Variants in ZBTB8A observed in about 807,000 individuals in gnomAD.
The protein encoded by ZBTB8A is zinc finger and BTB domain-containing protein 8A.
A neutral mutation model predicts 37.8 loss-of-function variants in ZBTB8A; 19 were observed. The ratio of observed to expected loss-of-function variants is 0.50; its 90% CI spans 0.35 to 0.74. The LOEUF is 0.74. Ranked by LOEUF, ZBTB8A falls within the 30% of genes least tolerant of loss-of-function variation. The pLI is 0.01. For missense variants in ZBTB8A, 394 were observed against 537.8 expected (o/e 0.73, Z 2.65); for synonymous variants, 181 against 185.2 (o/e 0.98, Z 0.19).
chr1:32,568,218 A>G (rs1399926052), intron 2 of ZBTB8A, among the ~76,000 whole-genome samples: 2 of 152,130 alleles, frequency 1.3e-5, no homozygotes, highest in Non-Finnish European at 2.9e-5. Flanking sequence ...TTAATGTTCG[A>G]CATATGTTCA....
In ZBTB8A at chr1:32,599,101, A is replaced by G. The variant is rs1398016473; in HGVS notation, c.994-986A>G. Among the ~76,000 whole-genome samples the G allele has an allele frequency of 3.9e-5, 6 of 152,122 alleles. No homozygotes were observed. In the South Asian group the frequency reaches 1.0e-3, roughly 26 times the overall value. ...AATAAAAATGGCAAGTTCTCCTTCTATCTAAAATATTAATAAATTTAAATT... is the reference window on the plus strand; with the variant it reads ...AATAAAAATGGCAAGTTCTCCTTCTGTCTAAAATATTAATAAATTTAAATT... On this transcript the variant is annotated intron_variant, in intron 4 of 4. Coordinates refer to ENST00000373510, the MANE Select transcript of ZBTB8A (RefSeq NM_001040441.3).
chr1:32,550,239 G>C (rs1298633602), intron 1 of ZBTB8A, among the ~76,000 whole-genome samples: 1 of 152,142 alleles, frequency 6.6e-6, no homozygotes, highest in East Asian at 1.9e-4. Flanking sequence ...ATATCTGCTA[G>C]AGTGGAACTT....
At chr1:32,596,491 G>A (rs1644532806) in intron 4 of ZBTB8A, among the ~76,000 whole-genome samples, 2 of 152,104 alleles carry the variant, frequency 1.3e-5, no homozygotes, top group Admixed American at 1.3e-4. Flanking sequence ...TGAGGCACGA[G>A]AATTGCCCAA....
chr1:32,576,748 A>G lies in ZBTB8A; in HGVS notation c.-1-16183A>G, dbSNP rs372236457. 2.0e-4 allele frequency among the ~76,000 whole-genome samples: 30 copies of G among 151,848 alleles called. No individual in the cohort carries two copies. The South Asian group carries it at 6.3e-3, about 32-fold the overall frequency. On this transcript the variant is annotated intron_variant, in intron 2 of 4. Transcript: ENST00000373510. ...CCAGCCTAATTTTTGTATTTTTGGT[A>G]GACACAGGGTTTCACCATGTTGGCC...
rs185307767 is a variant in ZBTB8A at position 32,549,161 on chromosome 1, C to T, written c.-83-4298C>T. Among the ~76,000 whole-genome samples the T allele has an allele frequency of 4.6e-3, 694 of 151,976 alleles. 6 individuals carry two copies. Among genetic ancestry groups the T allele is most frequent in the African/African-American group, 0.016 (666 of 41,436 alleles). On this transcript the variant is annotated intron_variant, in intron 1 of 4. Coordinates refer to ENST00000373510, the MANE Select transcript of ZBTB8A (RefSeq NM_001040441.3). ...CGAGATCACGTCACTGCACTGCAACCTGGAGGGCAGAGTCAGACTCTGTCT... is the reference window on the plus strand; with the variant it reads ...CGAGATCACGTCACTGCACTGCAACTTGGAGGGCAGAGTCAGACTCTGTCT...
Position 32,600,962 on chromosome 1 carries a change from C to T in ZBTB8A, c.*543C>T, listed in dbSNP as rs559155890. 1.3e-5 allele frequency: 2 copies of T among 151,210 alleles called. No individual in the cohort carries two copies. Among genetic ancestry groups the T allele is most frequent in the Non-Finnish European group, 2.9e-5 (2 of 68,278 alleles). The allele number at this position is 151,210 out of a possible 1,614,324, so 9.4% of individuals were successfully genotyped here. On this transcript the variant is annotated 3_prime_UTR_variant, in exon 5 of 5. Transcript: ENST00000373510. ...CCTGTCATTACTCTGATATCCTGAA[C>T]GTTTAAGGATTATGGAAGAAGACTA...
intron 1 of ZBTB8A, among the ~76,000 whole-genome samples, chr1:32,549,568 A>G (rs1286184078): frequency 1.3e-5 from 2 of 151,908 alleles, no homozygotes; most frequent in African/African-American, 2.4e-5. Flanking sequence ...TTGCTAGTGT[A>G]ATTTAAGGGT....
intron 2 of ZBTB8A, among the ~76,000 whole-genome samples, chr1:32,554,919 G>A (rs918596160): frequency 6.6e-6 from 1 of 152,128 alleles, no homozygotes; most frequent in Non-Finnish European, 1.5e-5. Flanking sequence ...ATCTAGATCA[G>A]TCCTTTTAAT....
intron 1 of ZBTB8A, among the ~76,000 whole-genome samples, chr1:32,546,465 A>T (rs1177570076): frequency 6.6e-6 from 1 of 151,696 alleles, no homozygotes; most frequent in Non-Finnish European, 1.5e-5. Context: ...TAAATAAATA[A>T]ATAAAAGATT....
At position 32,600,452 on chromosome 1, in the gene ZBTB8A, G is replaced by A; in HGVS notation, c.*33G>A. 2 of 1,494,156 alleles carry A rather than the reference G, an allele frequency of 1.3e-6. No homozygotes were observed. Among genetic ancestry groups the A allele is most frequent in the South Asian group, 1.2e-5 (1 of 82,788 alleles). The allele number at this position is 1,494,156 out of a possible 1,614,324, so 92.6% of individuals were successfully genotyped here. ...GTGAACCAACAGAGCTGGCATGTCT[G>A]CAATTTACATTGACTTCCTGTATCT... On this transcript the variant is annotated 3_prime_UTR_variant, in exon 5 of 5. Transcript: ENST00000373510.
At chr1:32,577,764 G>A (rs886355482) in intron 2 of ZBTB8A, among the ~76,000 whole-genome samples, 2 of 151,410 alleles carry the variant, frequency 1.3e-5, no homozygotes, top group African/African-American at 4.8e-5. Flanking sequence ...TGTACTTTTA[G>A]TAGAGAGGGG....
chr1:32,559,759 G>A (rs1209102921), intron 2 of ZBTB8A, among the ~76,000 whole-genome samples: 3 of 152,064 alleles, frequency 2.0e-5, no homozygotes, highest in Admixed American at 6.6e-5. Context: ...GCCACTATGC[G>A]TGGCACAATG....
At position 32,601,538 on chromosome 1, in the gene ZBTB8A, T is replaced by C. The variant is rs1644576346; in HGVS notation, c.*1119T>C. ...ATGTGAGTGATTTCTAACGTTTATGTAGTGCTATATTATTTATAAAGTACT... is the reference window on the plus strand; with the variant it reads ...ATGTGAGTGATTTCTAACGTTTATGCAGTGCTATATTATTTATAAAGTACT... On this transcript the variant is annotated 3_prime_UTR_variant, in exon 5 of 5. Transcript: ENST00000373510. The C allele has an allele frequency of 2.5e-6, 1 of 398,372 alleles. No homozygotes were observed. 24.7% of individuals were successfully genotyped at this position (398,372 alleles called of 1,614,324 possible). A position where few individuals can be genotyped will look rare whatever the true frequency, so the allele number is the denominator to read the frequency against.
At position 32,539,745 on chromosome 1, in the gene ZBTB8A, C is replaced by CGAGGCGAG. The variant is rs1553175141; in HGVS notation, c.-84+173_-84+174insGAGGCGAG. 6.2e-5 allele frequency among the ~76,000 whole-genome samples: 9 copies of CGAGGCGAG among 146,276 alleles called. 1 individual carries two copies. The highest frequency in any genetic ancestry group is 9.8e-5 in the African/African-American group (4 of 40,862). ...GGGCCGGGAGCGCGGCGGGAGGCGCCCGGGAGGGGCTGCGGGACAATGGCC... is the reference window on the plus strand; with the variant it reads ...GGGCCGGGAGCGCGGCGGGAGGCGCCGAGGCGAGCGGGAGGGGCTGCGGGACAATGGCC... On this transcript the variant is annotated intron_variant, in intron 1 of 4. Coordinates refer to ENST00000373510, the MANE Select transcript of ZBTB8A (RefSeq NM_001040441.3).
chr1:32,588,081 A>G (rs1644462250), intron 2 of ZBTB8A, among the ~76,000 whole-genome samples: 1 of 152,068 alleles, frequency 6.6e-6, no homozygotes, highest in Non-Finnish European at 1.5e-5. Flanking sequence ...GCATCTCTTC[A>G]TCTGTATCCT....
chr1:32,594,389 A>T (rs988263298), intron 3 of ZBTB8A, among the ~76,000 whole-genome samples: 1 of 151,864 alleles, frequency 6.6e-6, no homozygotes, highest in Non-Finnish European at 1.5e-5. Flanking sequence ...AAATAGTTCA[A>T]TCCCTGAGAC....
In ZBTB8A at chr1:32,604,663, G is replaced by A. The variant is rs937569647; in HGVS notation, c.*4244G>A. 7 of 151,996 alleles carry A rather than the reference G, an allele frequency of 4.6e-5. No homozygotes were observed. Among genetic ancestry groups the A allele is most frequent in the Non-Finnish European group, 8.8e-5 (6 of 68,006 alleles). 9.4% of individuals were successfully genotyped at this position (151,996 alleles called of 1,614,324 possible). On this transcript the variant is annotated 3_prime_UTR_variant, in exon 5 of 5. Transcript: ENST00000373510. The stretch of plus-strand genomic sequence containing the variant: ...TAAGCATAGTTACTGTTTTCTGTAC[G>A]GCTAAGTACTGCCTAATGGATGAAA...
Position 32,601,531 on chromosome 1 carries a change from G to C in ZBTB8A, c.*1112G>C, listed in dbSNP as rs114525653. 4.0e-3 allele frequency: 1,592 copies of C among 397,948 alleles called. 17 individuals are homozygous for C. The highest frequency in any genetic ancestry group is 0.023 in the African/African-American group (1,124 of 48,692). The allele number at this position is 397,948 out of a possible 1,614,324, so 24.7% of individuals were successfully genotyped here. A position where few individuals can be genotyped will look rare whatever the true frequency, so the allele number is the denominator to read the frequency against. ...TTACCATATGTGAGTGATTTCTAAC[G>C]TTTATGTAGTGCTATATTATTTATA... On this transcript the variant is annotated 3_prime_UTR_variant, in exon 5 of 5. Coordinates refer to ENST00000373510, the MANE Select transcript of ZBTB8A (RefSeq NM_001040441.3).
rs1157650190 is a variant in ZBTB8A at position 32,581,209 on chromosome 1, AT to A, written c.-1-11720del. 0.018 allele frequency among the ~76,000 whole-genome samples: 7 copies of A among 382 alleles called. 1 individual carries two copies. In the East Asian group the frequency reaches 0.25, roughly 14 times the overall value. 0.3% of individuals were successfully genotyped at this position (382 alleles called of 152,430 possible). ...ATATTATAAATATGTTATATTATATATTATATATAATATAATATAATATATT... is the reference window on the plus strand; with the variant it reads ...ATATTATAAATATGTTATATTATATATATATATAATATAATATAATATATT... On this transcript the variant is annotated intron_variant, in intron 2 of 4. Coordinates refer to ENST00000373510, the MANE Select transcript of ZBTB8A (RefSeq NM_001040441.3).
Sources: gnomAD v4.1 joint callset for allele counts (sites outside exome capture counted in the v4.1 genomes callset) on GRCh38, gnomAD v4.1.1 for gene constraint, MANE v1.5 for transcripts, NCBI Gene and HGNC (gene_info 2026-07-23, HGNC 2026-07-21) for gene names.